The following ERBB4 variants were observed in gnomAD, a reference collection of about 807,000 sequenced individuals.
The protein encoded by ERBB4 is erb-b2 receptor tyrosine kinase 4, also known as receptor tyrosine-protein kinase erbB-4.
Under a neutral mutation model 158.0 loss-of-function variants are expected in ERBB4, and 42 were observed. The ratio of observed to expected loss-of-function variants is 0.27; its 90% CI spans 0.21 to 0.34. The LOEUF (loss-of-function observed/expected upper bound fraction) is 0.34. Among genes scored for constraint, ERBB4 ranks in the 10% least tolerant of loss-of-function variants. The probability of loss-of-function intolerance (pLI) is 1.00; values close to 1 mark genes in which losing one functional copy is unlikely to be tolerated. For synonymous variants in ERBB4, 583 were observed against 558.7 expected (o/e 1.04, Z -0.61); for missense variants, 1,333 against 1,624.1 (o/e 0.82, Z 3.08).
Position 211,530,594 on chromosome 2 carries a change from A to G in ERBB4, c.2487+31309T>C, listed in dbSNP as rs1479458193. Among the ~76,000 whole-genome samples the G allele has an allele frequency of 3.3e-5, 5 of 152,292 alleles. No homozygotes were observed. The East Asian group carries it at 7.7e-4, about 24-fold the overall frequency. On this transcript the variant is annotated intron_variant, in intron 20 of 27. Coordinates refer to ENST00000342788, the MANE Select transcript of ERBB4 (RefSeq NM_005235.3). ...GAAGGAATCACATTACCTGACTTCA[A>G]CTTACACTACCAAGGCCAGGCAGAG... is the stretch of plus-strand genomic sequence containing the variant.
At chr2:211,477,454 A>G (rs965594545) in intron 20 of ERBB4, among the ~76,000 whole-genome samples, 1 of 152,152 alleles carries the variant, frequency 6.6e-6, no homozygotes, top group Non-Finnish European at 1.5e-5. Flanking sequence ...AAAAGGAAAA[A>G]GAGGCAAAAA....
intron 26 of ERBB4, 56 bp from the exon 27 acceptor site, chr2:211,387,206 A>G (rs948792642): frequency 8.5e-5 from 110 of 1,290,836 alleles, no homozygotes; most frequent in Middle Eastern, 2.2e-4. Flanking sequence ...TAGTTTAAAA[A>G]TGAATGTTAA....
Position 212,439,619 on chromosome 2 carries a change from T to G in ERBB4, c.82+98830A>C, listed in dbSNP as rs530588768. 2.0e-5 allele frequency among the ~76,000 whole-genome samples: 3 copies of G among 152,298 alleles called. No individual in the cohort carries two copies. In the South Asian group the frequency reaches 6.2e-4, roughly 32 times the overall value. Reference sequence around the variant, plus strand: ...GCATTATTTCTGTAGGTATGAAACTTACAAAATATTAGTCATGTATTATTA... The same window carrying G: ...GCATTATTTCTGTAGGTATGAAACTGACAAAATATTAGTCATGTATTATTA... On this transcript the variant is annotated intron_variant, in intron 1 of 27. Coordinates refer to ENST00000342788, the MANE Select transcript of ERBB4 (RefSeq NM_005235.3).
chr2:212,292,774 C>T (rs549597685), intron 1 of ERBB4, among the ~76,000 whole-genome samples: 9 of 152,130 alleles, frequency 5.9e-5, no homozygotes, highest in Non-Finnish European at 8.8e-5. Context: ...GACATTTTGA[C>T]GCTTTCTGCG....
At chr2:211,726,547 C>T (rs186661962) in intron 5 of ERBB4, among the ~76,000 whole-genome samples, 32 of 152,250 alleles carry the variant, frequency 2.1e-4, no homozygotes, top group Admixed American at 2.0e-3. Context: ...TTTCTGTCTC[C>T]TATCCTCTTA....
At chr2:212,519,371 T>C (rs996099178) in intron 1 of ERBB4, among the ~76,000 whole-genome samples, 2 of 152,006 alleles carry the variant, frequency 1.3e-5, no homozygotes, top group African/African-American at 4.8e-5. Context: ...AATTTCCCAA[T>C]TATCTTCCTG....
At chr2:212,356,387 T>G (rs13018908) in intron 1 of ERBB4, among the ~76,000 whole-genome samples, 24,462 of 151,940 alleles carry the variant, frequency 0.16, 2,192 homozygotes, top group South Asian at 0.24. Flanking sequence ...AATTCTGTAT[T>G]TGTTCACTTT....
rs184907665 is a variant in ERBB4, at chr2:211,548,657, C to G, written c.2487+13246G>C. ...TGGATCCAGGTCTTGGCTCTGACAC[C>G]AAGAACCGTGACCTTACCTGGACTC... On this transcript the variant is annotated intron_variant, in intron 20 of 27. Transcript: ENST00000342788. Among the ~76,000 whole-genome samples, 4 of 152,022 alleles carry G rather than the reference C, an allele frequency of 2.6e-5. No individual in the cohort carries two copies. The East Asian group carries it at 5.8e-4, about 22-fold the overall frequency.
intron 1 of ERBB4, among the ~76,000 whole-genome samples, chr2:212,333,672 T>C (rs555417390): frequency 6.9e-6 from 1 of 144,234 alleles, no homozygotes; most frequent in Admixed American, 7.0e-5. Context: ...CCAGCCTGGG[T>C]GATGGAGTGA....
At chr2:211,914,356 C>T in intron 3 of ERBB4, among the ~76,000 whole-genome samples, 2 of 151,830 alleles carry the variant, frequency 1.3e-5, no homozygotes, top group Middle Eastern at 6.8e-3. Context: ...ATCAGAGCTA[C>T]AACTTATGTT....
At chr2:211,552,802 T>C (rs1309340329) in intron 20 of ERBB4, among the ~76,000 whole-genome samples, 2 of 152,186 alleles carry the variant, frequency 1.3e-5, no homozygotes, top group Non-Finnish European at 2.9e-5. Flanking sequence ...CTAAAATTTT[T>C]GCAGGAATAG....
chr2:211,698,413 T>C (rs999512216), intron 12 of ERBB4, among the ~76,000 whole-genome samples: 2 of 151,686 alleles, frequency 1.3e-5, no homozygotes, highest in Non-Finnish European at 2.9e-5. Flanking sequence ...TATAGATGGC[T>C]GAATGGTATT....
intron 1 of ERBB4, among the ~76,000 whole-genome samples, chr2:212,503,387 T>C (rs1691007591): frequency 6.6e-6 from 1 of 152,190 alleles, no homozygotes; most frequent in Admixed American, 6.5e-5. Flanking sequence ...CCAGTAATAA[T>C]ATAGCCTCTT....
At chr2:211,425,897 T>C (rs2063616395) in intron 22 of ERBB4, among the ~76,000 whole-genome samples, 1 of 152,220 alleles carries the variant, frequency 6.6e-6, no homozygotes, top group East Asian at 1.9e-4. Flanking sequence ...TTGCCCAGGC[T>C]GGTCTCAAAC....
chr2:212,466,375 C>T (rs1688835855), intron 1 of ERBB4, among the ~76,000 whole-genome samples: 1 of 152,138 alleles, frequency 6.6e-6, no homozygotes, highest in African/African-American at 2.4e-5. Flanking sequence ...CTCTGTGTCC[C>T]CACCCAAATA....
At chr2:212,336,080 G>A (rs937304828) in intron 1 of ERBB4, among the ~76,000 whole-genome samples, 1 of 151,860 alleles carries the variant, frequency 6.6e-6, no homozygotes, top group African/African-American at 2.4e-5. Flanking sequence ...GGGGGAACTG[G>A]GGGATACATG....
chr2:212,357,219 A>G (rs893841625), intron 1 of ERBB4, among the ~76,000 whole-genome samples: 1 of 151,816 alleles, frequency 6.6e-6, no homozygotes, highest in Non-Finnish European at 1.5e-5. Context: ...CTTTAAAATA[A>G]AAAAAGGATT....
At chr2:212,348,547 T>C (rs13414642) in intron 1 of ERBB4, among the ~76,000 whole-genome samples, 38,518 of 152,104 alleles carry the variant, frequency 0.25, 5,178 homozygotes, top group Non-Finnish European at 0.29. Context: ...CATCGTCACA[T>C]TCTGAGAAGC....
intron 1 of ERBB4, among the ~76,000 whole-genome samples, chr2:212,434,890 A>G (rs2092104243): frequency 3.3e-5 from 5 of 151,952 alleles, no homozygotes; most frequent in Admixed American, 3.3e-4. Flanking sequence ...ACTGCTCAAC[A>G]TTTTCCATCT....
Sources: allele counts gnomAD v4.1 joint callset (sites outside exome capture counted in the v4.1 genomes callset), GRCh38; gene constraint gnomAD v4.1.1; transcripts MANE v1.5; gene names NCBI Gene and HGNC (gene_info 2026-07-23, HGNC 2026-07-21).